The following TSHZ2 variants were observed in gnomAD, a reference collection of about 807,000 sequenced individuals.
The protein encoded by TSHZ2 is teashirt homolog 2.
Under a neutral mutation model 74.4 loss-of-function variants are expected in TSHZ2, and 21 were observed. The observed-to-expected ratio is 0.28, with a 90% CI of 0.20 to 0.41. The LOEUF (loss-of-function observed/expected upper bound fraction) is 0.41, where lower values mean the gene tolerates loss of function less well. Ranked by LOEUF, TSHZ2 falls within the 10% of genes least tolerant of loss-of-function variation. The pLI is 1.00. For synonymous variants in TSHZ2, 540 were observed against 515.3 expected (o/e 1.05, Z -0.65); for missense variants, 1,244 against 1,293.5 (o/e 0.96, Z 0.59).
chr20:53,435,891 G>C (rs1984037293), intron 2 of TSHZ2, among the ~76,000 whole-genome samples: 1 of 152,172 alleles, frequency 6.6e-6, no homozygotes, highest in African/African-American at 2.4e-5. Flanking sequence ...GTGACTTTTA[G>C]TAAGTTATTT....
chr20:52,973,091 C>G lies in TSHZ2; in HGVS notation c.-203C>G, dbSNP rs955832803. Reference sequence around the variant, plus strand: ...TTCAAAGCAGCCGGCACAAGCCACCCGTGTCTGCCACCCAGAGAGGGGGGT... The same window carrying G: ...TTCAAAGCAGCCGGCACAAGCCACCGGTGTCTGCCACCCAGAGAGGGGGGT... On this transcript the variant is annotated 5_prime_UTR_variant, in exon 1 of 3. Transcript: ENST00000371497. 1.8e-5 allele frequency: 10 copies of G among 563,268 alleles called. No homozygotes were observed. Among genetic ancestry groups the G allele is most frequent in the African/African-American group, 5.8e-5 (3 of 51,786 alleles). The allele number at this position is 563,268 out of a possible 1,614,324, so 34.9% of individuals were successfully genotyped here. A position where few individuals can be genotyped will look rare whatever the true frequency, so the allele number is the denominator to read the frequency against.
intron 1 of TSHZ2, among the ~76,000 whole-genome samples, chr20:53,175,716 G>A (rs573876509): frequency 3.0e-4 from 45 of 152,306 alleles, no homozygotes; most frequent in Middle Eastern, 6.8e-3. Context: ...AGGAATTAGT[G>A]CCAGAATGAG....
At chr20:53,316,770 G>A (rs1449722776) in intron 2 of TSHZ2, among the ~76,000 whole-genome samples, 2 of 152,108 alleles carry the variant, frequency 1.3e-5, no homozygotes, top group South Asian at 2.1e-4. Flanking sequence ...TACAGGACCC[G>A]TATCACCCAC....
Position 53,196,366 on chromosome 20 carries a change from T to TAAAAAAAAAAAAAAAAAAAAAA in TSHZ2, c.41-57128_41-57107dup, listed in dbSNP as rs34385917. On this transcript the variant is annotated intron_variant, in intron 1 of 2. Coordinates refer to ENST00000371497, the MANE Select transcript of TSHZ2 (RefSeq NM_173485.6). The stretch of plus-strand genomic sequence containing the variant: ...CCCGGAGGCATCAAGAATCTGCTGC[T>TAAAAAAAAAAAAAAAAAAAAAA]AAAAAAAAAAAAAAAAAAAAAAAAA... The TAAAAAAAAAAAAAAAAAAAAAA allele has an allele frequency of 6.4e-5, 7 of 109,678 alleles. 1 individual carries two copies. The highest frequency in any genetic ancestry group is 2.2e-4 in the African/African-American group (7 of 32,210). The allele number at this position is 109,678 out of a possible 1,614,324, so 6.8% of individuals were successfully genotyped here.
intron 2 of TSHZ2, among the ~76,000 whole-genome samples, chr20:53,334,334 T>C (rs1011706524): frequency 1.3e-5 from 2 of 152,166 alleles, no homozygotes; most frequent in African/African-American, 4.8e-5. Context: ...AGGAGTCATC[T>C]GAGCTAAGGT....
At chr20:53,247,339 T>A (rs1015761161) in intron 1 of TSHZ2, among the ~76,000 whole-genome samples, 1 of 152,182 alleles carries the variant, frequency 6.6e-6, no homozygotes, top group Admixed American at 6.5e-5. Flanking sequence ...AAGTCTGTGC[T>A]CAGGAATGGT....
intron 1 of TSHZ2, among the ~76,000 whole-genome samples, chr20:53,096,139 CTGTT>C (rs953656585): frequency 7.9e-5 from 12 of 151,850 alleles, no homozygotes; most frequent in East Asian, 1.9e-4. Context: ...TTTTGTTTGT[CTGTT>C]TGTTTGTTTG....
intron 2 of TSHZ2, among the ~76,000 whole-genome samples, chr20:53,448,276 A>G (rs1469116285): frequency 1.3e-5 from 2 of 152,174 alleles, no homozygotes; most frequent in Admixed American, 6.5e-5. Context: ...GAGAAGAAAT[A>G]TAACTATGTG....
At chr20:53,048,337 T>G (rs1984304100) in intron 1 of TSHZ2, among the ~76,000 whole-genome samples, 1 of 152,036 alleles carries the variant, frequency 6.6e-6, no homozygotes, top group South Asian at 2.1e-4. Context: ...AGCAAAATAA[T>G]AACTTCTTAG....
chr20:53,387,845 G>C lies in TSHZ2; in HGVS notation c.*9-99299G>C, dbSNP rs956670375. Among the ~76,000 whole-genome samples, 5 of 152,156 alleles carry C rather than the reference G, an allele frequency of 3.3e-5. No homozygotes were observed. In the East Asian group the frequency reaches 9.7e-4, roughly 29 times the overall value. On this transcript the variant is annotated intron_variant, in intron 2 of 2. Transcript: ENST00000371497. ...GCAGATTGTCTGAGCTCAGGAGTTC[G>C]AGACCAGCCTGGGCAACATGGTGAA...
intron 2 of TSHZ2, among the ~76,000 whole-genome samples, chr20:53,383,942 C>CAAAGT (rs1981950754): frequency 6.6e-6 from 1 of 152,118 alleles, no homozygotes; most frequent in Non-Finnish European, 1.5e-5. Context: ...CTAGGCTTCC[C>CAAAGT]AAAGTAAGCC....
intron 1 of TSHZ2, among the ~76,000 whole-genome samples, chr20:53,191,688 T>C (rs1257777257): frequency 1.3e-5 from 2 of 152,214 alleles, no homozygotes; most frequent in African/African-American, 4.8e-5. Context: ...AAACTACACA[T>C]CTTCACTTTG....
chr20:53,243,476 G>A (rs1990119408), intron 1 of TSHZ2, among the ~76,000 whole-genome samples: 1 of 152,194 alleles, frequency 6.6e-6, no homozygotes, highest in East Asian at 1.9e-4. Context: ...ATTGTACCAT[G>A]ATGGAAACAC....
At chr20:53,057,546 GTTA>G (rs1039737554) in intron 1 of TSHZ2, among the ~76,000 whole-genome samples, 32 of 151,824 alleles carry the variant, frequency 2.1e-4, no homozygotes, top group African/African-American at 7.7e-4. Flanking sequence ...TTTTTATGTT[GTTA>G]TTATTTATTA....
intron 2 of TSHZ2, among the ~76,000 whole-genome samples, chr20:53,353,106 A>T (rs1044581957): frequency 2.4e-4 from 36 of 152,210 alleles, no homozygotes; most frequent in African/African-American, 8.7e-4. Context: ...GAAAATAGAA[A>T]AATTAAAAAT....
intron 1 of TSHZ2, among the ~76,000 whole-genome samples, chr20:53,111,843 A>C (rs1167492512): frequency 1.4e-5 from 2 of 146,728 alleles, no homozygotes; most frequent in Admixed American, 6.8e-5. Flanking sequence ...GATGACCCCC[A>C]GAGATTGCAC....
rs1435753111 is a variant in TSHZ2, at chr20:53,459,660, C to G, written c.*9-27484C>G. On this transcript the variant is annotated intron_variant, in intron 2 of 2. Coordinates refer to ENST00000371497, the MANE Select transcript of TSHZ2 (RefSeq NM_173485.6). ...GCAGTTTCTTCCTAGTCTGGATGGT[C>G]TTTACATTTTGGCATGATTTTGCAG... 2.7e-3 allele frequency among the ~76,000 whole-genome samples: 377 copies of G among 142,250 alleles called. 3 individuals are homozygous for G. The highest frequency in any genetic ancestry group is 4.6e-3 in the Non-Finnish European group (301 of 66,036). 93.3% of individuals were successfully genotyped at this position (142,250 alleles called of 152,430 possible).
At chr20:53,032,862 A>G (rs1983688205) in intron 1 of TSHZ2, among the ~76,000 whole-genome samples, 1 of 151,988 alleles carries the variant, frequency 6.6e-6, no homozygotes, top group Admixed American at 6.6e-5. Context: ...CACTCCCATC[A>G]TTGCACAATA....
At position 53,074,996 on chromosome 20, in the gene TSHZ2, T is replaced by C. The variant is rs1290922558; in HGVS notation, c.40+101663T>C. On this transcript the variant is annotated intron_variant, in intron 1 of 2. Transcript: ENST00000371497. This position sits in a 1 kb window ranked among gnomAD's most constrained non-coding sequence, Gnocchi z 5.9. ...TCTTTTGTCGCTGACGTTTCCTCCA[T>C]GTGGAAAGCTTTGAAAGTGCTCCAG... is the stretch of plus-strand genomic sequence containing the variant. Among the ~76,000 whole-genome samples the C allele has an allele frequency of 2.0e-5, 3 of 152,178 alleles. No homozygotes were observed. The highest frequency in any genetic ancestry group is 6.5e-5 in the Admixed American group (1 of 15,274).
Sources: gnomAD v4.1 joint callset for allele counts (sites outside exome capture counted in the v4.1 genomes callset) on GRCh38, gnomAD v4.1.1 for gene constraint, Gnocchi (gnomAD v3.1) non-coding constraint, MANE v1.5 for transcripts, NCBI Gene and HGNC (gene_info 2026-07-23, HGNC 2026-07-21) for gene names.